The following XPO6 variants were observed in gnomAD, a reference collection of about 807,000 sequenced individuals.
The protein encoded by XPO6 is exportin-6.
A neutral mutation model predicts 130.0 loss-of-function variants in XPO6; 3 were observed. The ratio of observed to expected loss-of-function variants is 0.02; its 90% confidence interval spans 0.01 to 0.06. XPO6 has a LOEUF of 0.06. Among genes scored for constraint, XPO6 ranks in the 10% least tolerant of loss-of-function variants. The probability of loss-of-function intolerance (pLI) is 1.00; values close to 1 mark genes in which losing one functional copy is unlikely to be tolerated. For synonymous variants in XPO6, 524 were observed against 548.9 expected, an observed-to-expected ratio of 0.95 and a Z score of 0.63; for missense variants, 970 against 1,393.0, an observed-to-expected ratio of 0.70 and a Z score of 4.83.
Position 28,104,621 on chromosome 16 carries a change from G to C in XPO6, c.2871C>G (p.Thr957=). Reference sequence around the variant, plus strand: ...TCCCCCTCTGGACACTGGCCAGCACGGTGGACTTGAAGAAGTACCTCCAGT... The same window carrying C: ...TCCCCCTCTGGACACTGGCCAGCACCGTGGACTTGAAGAAGTACCTCCAGT... ...HHNWRYFFKS[T]VLASVQRGIA... is the part of the protein sequence containing the mutation. The change falls in exon 21 of 24, where the codon ACC becomes ACG. Residue 957 remains threonine, a synonymous_variant. Coordinates refer to ENST00000304658, the MANE Select transcript of XPO6 (RefSeq NM_015171.4). The C allele has an allele frequency of 1.2e-6, 2 of 1,614,200 alleles. No individual in the cohort carries two copies. Among genetic ancestry groups the C allele is most frequent in the Non-Finnish European group, 1.7e-6 (2 of 1,180,044 alleles).
chr16:28,187,406 T>G (rs543952805), intron 1 of XPO6, among the ~76,000 whole-genome samples: 9 of 152,252 alleles, frequency 5.9e-5, no homozygotes, highest in Non-Finnish European at 8.8e-5. Flanking sequence ...GGCAAAAGTT[T>G]TAAAATGCAG....
At chr16:28,135,559 A>C (rs1296046117) in intron 9 of XPO6, among the ~76,000 whole-genome samples, 1 of 152,200 alleles carries the variant, frequency 6.6e-6, no homozygotes, top group Admixed American at 6.5e-5. Context: ...GACTGTTTAT[A>C]TAACAGCCTT....
At position 28,177,436 on chromosome 16, in the gene XPO6, G is replaced by A. The variant is rs2043550440; in HGVS notation, c.95-104C>T. 11 of 607,384 alleles carry A rather than the reference G, an allele frequency of 1.8e-5. 1 individual carries two copies. The South Asian group carries it at 2.0e-4, about 11-fold the overall frequency. 37.6% of individuals were successfully genotyped at this position (607,384 alleles called of 1,614,324 possible). ...TTAAACATGTCTCTCTGCATATAAT[G>A]TAAATGATGTCAAAACCAGCGGATT... On this transcript the variant is annotated intron_variant, in intron 2 of 23. Coordinates refer to ENST00000304658, the MANE Select transcript of XPO6 (RefSeq NM_015171.4).
chr16:28,119,047 G>A (rs1467522653), intron 14 of XPO6, among the ~76,000 whole-genome samples: 2 of 152,034 alleles, frequency 1.3e-5, no homozygotes, highest in African/African-American at 2.4e-5. Flanking sequence ...ACAGGGTCTC[G>A]CTCTGTTGCC....
At chr16:28,121,833 G>A in intron 13 of XPO6, 71 bp from the exon 14 acceptor site, 2 of 1,041,072 alleles carry the variant, frequency 1.9e-6, no homozygotes, top group South Asian at 1.3e-5. Flanking sequence ...AGACAAGGCT[G>A]GTACCAGCAA....
At chr16:28,205,319 T>C (rs1482754252) in intron 1 of XPO6, among the ~76,000 whole-genome samples, 1 of 152,164 alleles carries the variant, frequency 6.6e-6, no homozygotes, top group Non-Finnish European at 1.5e-5. Context: ...ACACCTATCA[T>C]TTTCTATTAT....
intron 7 of XPO6, chr16:28,153,833 T>C (rs2043137376): frequency 1.0e-6 from 1 of 985,276 alleles, no homozygotes; most frequent in Non-Finnish European, 1.2e-6. Flanking sequence ...TGTGAAATAA[T>C]AAAAGCAGAG....
chr16:28,137,873 CCTCT>C (rs1224905737), intron 9 of XPO6, among the ~76,000 whole-genome samples: 18 of 152,184 alleles, frequency 1.2e-4, no homozygotes, highest in Middle Eastern at 3.4e-3. Flanking sequence ...CTCCCCACTC[CCTCT>C]CTATCAGTCT....
At chr16:28,180,182 G>A (rs755595516) in intron 2 of XPO6, among the ~76,000 whole-genome samples, 3 of 152,136 alleles carry the variant, frequency 2.0e-5, no homozygotes, top group South Asian at 2.1e-4. Context: ...TGGCTAATAC[G>A]GTGAAACCCC....
rs144942003 is a variant in XPO6 at position 28,158,969 on chromosome 16, C to A, written c.644-2442G>T. On this transcript the variant is annotated intron_variant, in intron 6 of 23. Coordinates refer to ENST00000304658, the MANE Select transcript of XPO6 (RefSeq NM_015171.4). ...AACAGGCCAGGAGCGGTGGCTCACACCTGTAATCCCAGCATTTCGGTAGGC... is the reference window on the plus strand; with the variant it reads ...AACAGGCCAGGAGCGGTGGCTCACAACTGTAATCCCAGCATTTCGGTAGGC... Among the ~76,000 whole-genome samples the A allele has an allele frequency of 1.7e-3, 259 of 152,280 alleles. 2 individuals carry two copies. Among genetic ancestry groups the A allele is most frequent in the African/African-American group, 5.5e-3 (228 of 41,550 alleles).
At chr16:28,207,475 G>A (rs1190771271) in intron 1 of XPO6, among the ~76,000 whole-genome samples, 1 of 152,114 alleles carries the variant, frequency 6.6e-6, no homozygotes, top group Non-Finnish European at 1.5e-5. Context: ...AACAAAAAAT[G>A]ATTTAATCAA....
intron 1 of XPO6, among the ~76,000 whole-genome samples, chr16:28,204,256 T>C (rs1275871770): frequency 6.6e-6 from 1 of 152,018 alleles, no homozygotes; most frequent in African/African-American, 2.4e-5. Context: ...ATTGAGTATA[T>C]AAAATGTTAA....
intron 3 of XPO6, among the ~76,000 whole-genome samples, chr16:28,176,838 G>GCACAA: frequency 6.6e-6 from 1 of 152,192 alleles, no homozygotes. Flanking sequence ...GGGGGGCACA[G>GCACAA]AAGACAAGGA....
rs532078095 is a variant in XPO6, at chr16:28,135,106, T to C, written c.1443+110A>G. On this transcript the variant is annotated intron_variant, in intron 10 of 23. Coordinates refer to ENST00000304658, the MANE Select transcript of XPO6 (RefSeq NM_015171.4). ...TGTACGACTCAAACCAGAAGACTAC[T>C]CTGGTTTCAGAACAGTCTTCGGAGC... The C allele has an allele frequency of 2.1e-5, 17 of 806,782 alleles. No homozygotes were observed. The South Asian group carries it at 2.7e-4, about 13-fold the overall frequency. The allele number at this position is 806,782 out of a possible 1,614,324, so 50.0% of individuals were successfully genotyped here.
intron 15 of XPO6, among the ~76,000 whole-genome samples, chr16:28,115,364 G>A (rs1178274501): frequency 1.3e-5 from 2 of 152,214 alleles, no homozygotes; most frequent in East Asian, 1.9e-4. Flanking sequence ...GATGTTGTGT[G>A]AGCAGCCATG....
Position 28,211,777 on chromosome 16 carries a change from C to T in XPO6, c.-409G>A, listed in dbSNP as rs1417433587. 1 of 294,398 alleles carries T rather than the reference C, an allele frequency of 3.4e-6. No individual in the cohort carries two copies. Among genetic ancestry groups the T allele is most frequent in the South Asian group, 1.6e-4 (1 of 6,148 alleles). 18.2% of individuals were successfully genotyped at this position (294,398 alleles called of 1,614,324 possible). ...CCGAGGCTGAACGGGCGGAGGCTGA[C>T]AGGCCTCGACCGCGCGGCCCAGGCG... is the stretch of plus-strand genomic sequence containing the variant. On this transcript the variant is annotated 5_prime_UTR_variant, in exon 1 of 24. Coordinates refer to ENST00000304658, the MANE Select transcript of XPO6 (RefSeq NM_015171.4).
intron 8 of XPO6, among the ~76,000 whole-genome samples, chr16:28,149,861 CGAGA>C (rs1864076304): frequency 1.3e-5 from 2 of 152,028 alleles, no homozygotes; most frequent in Admixed American, 1.3e-4. Flanking sequence ...ACCCTCTAGA[CGAGA>C]GAAAGACACA....
chr16:28,116,704 C>A (rs972048332), intron 15 of XPO6, among the ~76,000 whole-genome samples: 34 of 152,202 alleles, frequency 2.2e-4, no homozygotes, highest in Admixed American at 1.6e-3. Flanking sequence ...TCAGAACACA[C>A]ACATTTATCA....
chr16:28,119,460 A>G (rs1596811915), intron 14 of XPO6, among the ~76,000 whole-genome samples: 1 of 152,200 alleles, frequency 6.6e-6, no homozygotes, highest in East Asian at 1.9e-4. Flanking sequence ...TGAATCTAAT[A>G]TAATGGAAAT....
Sources: allele counts gnomAD v4.1 joint callset (sites outside exome capture counted in the v4.1 genomes callset), GRCh38; gene constraint gnomAD v4.1.1; transcripts MANE v1.5; gene names NCBI Gene and HGNC (gene_info 2026-07-23, HGNC 2026-07-21).